The following CERS6 variants were observed in gnomAD, a reference collection of about 807,000 sequenced individuals.
The protein encoded by CERS6 is ceramide synthase 6.
In CERS6, 26 loss-of-function variants were observed where a neutral mutation model predicts 56.8. The observed-to-expected ratio is 0.46, with a 90% confidence interval of 0.34 to 0.63. The LOEUF (loss-of-function observed/expected upper bound fraction) is 0.63, where lower values mean the gene tolerates loss of function less well. Among genes scored for constraint, CERS6 ranks in the 30% least tolerant of loss-of-function variants. The pLI is 0.01. For missense variants in CERS6, 415 were observed against 467.5 expected (o/e 0.89, Z 1.04); for synonymous variants, 164 against 173.3 (o/e 0.95, Z 0.42).
intron 8 of CERS6, among the ~76,000 whole-genome samples, chr2:168,749,371 G>A (rs949630793): frequency 3.9e-5 from 6 of 152,266 alleles, no homozygotes; most frequent in African/African-American, 1.4e-4. Context: ...TGAGAAATGC[G>A]CAAGCCCATC....
intron 4 of CERS6, among the ~76,000 whole-genome samples, chr2:168,658,512 A>G (rs1685548803): frequency 6.6e-6 from 1 of 152,212 alleles, no homozygotes; most frequent in Admixed American, 6.5e-5. Context: ...CTCTTTGCCA[A>G]GGCATGGGAG....
intron 2 of CERS6, among the ~76,000 whole-genome samples, chr2:168,552,272 C>T (rs963050848): frequency 2.0e-5 from 3 of 150,912 alleles, no homozygotes; most frequent in Non-Finnish European, 2.9e-5. Context: ...ATTTCTTTGC[C>T]TGGAAATCTT....
At chr2:168,582,443 A>G (rs989385303) in intron 3 of CERS6, among the ~76,000 whole-genome samples, 3 of 152,082 alleles carry the variant, frequency 2.0e-5, no homozygotes, top group East Asian at 1.9e-4. Flanking sequence ...TTTTAAGGAT[A>G]TTTTTTAAGT....
At chr2:168,569,902 G>A (rs1042579686) in intron 3 of CERS6, among the ~76,000 whole-genome samples, 2 of 152,198 alleles carry the variant, frequency 1.3e-5, no homozygotes, top group Non-Finnish European at 1.5e-5. Flanking sequence ...TAAATAAAGT[G>A]TTTAGAAAGA....
At chr2:168,539,538 T>C (rs969550341) in intron 1 of CERS6, among the ~76,000 whole-genome samples, 10 of 152,232 alleles carry the variant, frequency 6.6e-5, no homozygotes, top group African/African-American at 2.2e-4. Flanking sequence ...ATATTTGTTT[T>C]CTTGAAACAG....
intron 3 of CERS6, among the ~76,000 whole-genome samples, chr2:168,579,985 G>A (rs549553324): frequency 8.6e-5 from 13 of 152,022 alleles, no homozygotes; most frequent in Non-Finnish European, 1.9e-4. Context: ...CCACTTTTCC[G>A]CCCAAGAAAT....
At chr2:168,735,335 T>C (rs1683677927) in intron 8 of CERS6, among the ~76,000 whole-genome samples, 1 of 152,056 alleles carries the variant, frequency 6.6e-6, no homozygotes, top group Non-Finnish European at 1.5e-5. Context: ...TTAAGGTTAA[T>C]GGTAGATTTA....
At chr2:168,457,911 C>A (rs1262373409) in intron 1 of CERS6, among the ~76,000 whole-genome samples, 3 of 152,060 alleles carry the variant, frequency 2.0e-5, no homozygotes, top group Admixed American at 2.0e-4. Context: ...GTCAGCTGTT[C>A]GCCTGCAGAA....
chr2:168,672,951 C>G (rs181941030), intron 4 of CERS6, among the ~76,000 whole-genome samples: 2 of 152,284 alleles, frequency 1.3e-5, no homozygotes, highest in Admixed American at 1.3e-4. Context: ...AACTGAGGAA[C>G]TCAAAGGATA....
rs944799887 is a variant in CERS6, at chr2:168,456,379, C to T, written c.-70C>T. ...GCTCGGGGCCAGCCGGGCGCGCATC[C>T]CCGGGCGCCCTGCGCGGTGGAGAGC... is the stretch of plus-strand genomic sequence containing the variant. On this transcript the variant is annotated 5_prime_UTR_variant, in exon 1 of 10. Transcript: ENST00000305747. This position sits in a 1 kb window ranked among gnomAD's most constrained non-coding sequence, Gnocchi z 4.1. The T allele has an allele frequency of 3.1e-6, 4 of 1,300,524 alleles. No homozygotes were observed. The highest frequency in any genetic ancestry group is 4.5e-4 in the Middle Eastern group (2 of 4,490). The allele number at this position is 1,300,524 out of a possible 1,614,324, so 80.6% of individuals were successfully genotyped here.
chr2:168,658,390 T>A (rs1685545864), intron 4 of CERS6, among the ~76,000 whole-genome samples: 1 of 152,212 alleles, frequency 6.6e-6, no homozygotes, highest in Admixed American at 6.5e-5. Flanking sequence ...AGAGCACTTG[T>A]CTGAAATACC....
chr2:168,643,023 A>C (rs960577683), intron 4 of CERS6, among the ~76,000 whole-genome samples: 1 of 152,232 alleles, frequency 6.6e-6, no homozygotes, highest in Non-Finnish European at 1.5e-5. Flanking sequence ...TATATTTGGC[A>C]CTAGCTATTA....
At chr2:168,497,106 C>T (rs551206489) in intron 1 of CERS6, among the ~76,000 whole-genome samples, 6 of 152,132 alleles carry the variant, frequency 3.9e-5, no homozygotes, top group Admixed American at 3.3e-4. Flanking sequence ...TTATAGGGGG[C>T]GTGGGTAGCC....
At chr2:168,645,138 TATATAGAGAGAGAGAGAGAGAGAG>T (rs1255189465) in intron 4 of CERS6, among the ~76,000 whole-genome samples, 2 of 30,042 alleles carry the variant, frequency 6.7e-5, no homozygotes, top group Non-Finnish European at 1.2e-4. Context: ...TATATATATA[TATATAGAGAGAGAGAGAGAGAGAG>T]AGAGAGAGAG....
At chr2:168,645,142 T>TATATATAG (rs753700977) in intron 4 of CERS6, among the ~76,000 whole-genome samples, 3 of 12,746 alleles carry the variant, frequency 2.4e-4, no homozygotes, top group Admixed American at 1.4e-3. Context: ...TATATATATA[T>TATATATAG]AGAGAGAGAG....
intron 1 of CERS6, 47 bp from the exon 2 acceptor site, chr2:168,547,549 A>C: frequency 8.2e-7 from 1 of 1,215,722 alleles, no homozygotes; most frequent in Non-Finnish European, 1.2e-6. Context: ...AATCACATAG[A>C]AAGAATAAAT....
intron 8 of CERS6, among the ~76,000 whole-genome samples, chr2:168,742,924 G>A (rs971730913): frequency 8.5e-5 from 13 of 152,088 alleles, no homozygotes; most frequent in African/African-American, 2.7e-4. Flanking sequence ...TTTCAGCATC[G>A]CTAAACAGTA....
intron 4 of CERS6, among the ~76,000 whole-genome samples, chr2:168,680,168 C>G (rs1686175395): frequency 6.6e-6 from 1 of 152,064 alleles, no homozygotes; most frequent in Non-Finnish European, 1.5e-5. Flanking sequence ...CTGAGTAGTT[C>G]CGGCAAGGAG....
intron 8 of CERS6, among the ~76,000 whole-genome samples, chr2:168,762,013 A>G (rs1257405320): frequency 1.3e-5 from 2 of 152,102 alleles, no homozygotes; most frequent in Non-Finnish European, 2.9e-5. Context: ...TCAGGGGGTC[A>G]GGGGCAAAGG....
Sources: allele counts gnomAD v4.1 joint callset (sites outside exome capture counted in the v4.1 genomes callset), GRCh38; gene constraint gnomAD v4.1.1; non-coding constraint Gnocchi (gnomAD v3.1); transcripts MANE v1.5; gene names NCBI Gene and HGNC (gene_info 2026-07-23, HGNC 2026-07-21).